Variants in ITGA2 observed in about 807,000 individuals in gnomAD.
ITGA2 encodes the protein integrin alpha-2.
ITGA2 carries 101 observed loss-of-function variants against 146.3 expected under a neutral mutation model. The ratio of observed to expected loss-of-function variants is 0.69; its 90% CI spans 0.59 to 0.81. ITGA2 has a LOEUF of 0.81. Among genes scored for constraint, ITGA2 ranks in the 40% least tolerant of loss-of-function variants. The pLI is 0.00. For synonymous variants in ITGA2, 477 were observed against 487.1 expected (o/e 0.98, Z 0.27); for missense variants, 1,281 against 1,402.7 (o/e 0.91, Z 1.39).
intron 24 of ITGA2, among the ~76,000 whole-genome samples, chr5:53,080,236 C>T (rs745828913): frequency 5.9e-5 from 9 of 152,080 alleles, no homozygotes; most frequent in East Asian, 1.9e-4. Context: ...CCATTATTGG[C>T]GCACTAAGCA....
At chr5:53,000,900 T>TG (rs1561278948) in intron 1 of ITGA2, among the ~76,000 whole-genome samples, 34 of 140,890 alleles carry the variant, frequency 2.4e-4, no homozygotes, top group Admixed American at 1.8e-3. Context: ...TCTTTTTGTT[T>TG]TTTTTTTTTT....
Position 53,090,836 on chromosome 5 carries a change from A to G in ITGA2, c.*237A>G, listed in dbSNP as rs907615852. 2.8e-5 allele frequency: 17 copies of G among 598,638 alleles called. No individual in the cohort carries two copies. Among genetic ancestry groups the G allele is most frequent in the East Asian group, 1.4e-4 (5 of 36,300 alleles). 37.1% of individuals were successfully genotyped at this position (598,638 alleles called of 1,614,324 possible). On this transcript the variant is annotated 3_prime_UTR_variant, in exon 30 of 30. Transcript: ENST00000296585. ...AAATACCTATTTTATATGATGGGGG[A>G]AAAAAAGTAATCTTTAAACTGGCTG... is the stretch of plus-strand genomic sequence containing the variant.
rs1208826554 is a variant in ITGA2, at chr5:53,055,535, C to T, written c.780-3C>T. ...AGTCTTTATTTAATTTTATCTGCCA[C>T]AGAAAATATGCTTATTCAGCAGCTT... is the stretch of plus-strand genomic sequence containing the variant. On this transcript the variant is annotated splice_polypyrimidine_tract_variant and splice_region_variant and intron_variant, in intron 7 of 29. Coordinates refer to ENST00000296585, the MANE Select transcript of ITGA2 (RefSeq NM_002203.4). The T allele has an allele frequency of 6.2e-7, 1 of 1,612,460 alleles. No individual in the cohort carries two copies. Among genetic ancestry groups the T allele is most frequent in the Non-Finnish European group, 8.5e-7 (1 of 1,178,904 alleles).
Position 53,094,710 on chromosome 5 carries a change from TACC to T in ITGA2, c.*4114_*4116del, listed in dbSNP as rs1046475062. On this transcript the variant is annotated 3_prime_UTR_variant, in exon 30 of 30. Coordinates refer to ENST00000296585, the MANE Select transcript of ITGA2 (RefSeq NM_002203.4). ...TCATTATTGTAACCCACTTTTTTCA[TACC>T]ACATTATTGAATATTGTTACAATTG... 7.2e-5 allele frequency: 11 copies of T among 152,234 alleles called. No individual in the cohort carries two copies. The highest frequency in any genetic ancestry group is 2.4e-4 in the African/African-American group (10 of 41,464). The allele number at this position is 152,234 out of a possible 1,614,324, so 9.4% of individuals were successfully genotyped here.
In ITGA2 at chr5:53,062,854, C is replaced by A; in HGVS notation, c.1527C>A (p.Leu509=). 1.2e-6 allele frequency: 2 copies of A among 1,611,240 alleles called. No individual in the cohort carries two copies. The highest frequency in any genetic ancestry group is 1.7e-6 in the Non-Finnish European group (2 of 1,178,448). ...ATAAAGACACCATTACAGACGTGCT[C>A]TTGGTAGGTGCACCAATGTACATGA... is the stretch of plus-strand genomic sequence containing the variant. ...DVDKDTITDV[L]LVGAPMYMSD... The change falls in exon 13 of 30, where the codon CTC becomes CTA. Residue 509 remains leucine, a synonymous_variant. Coordinates refer to ENST00000296585, the MANE Select transcript of ITGA2 (RefSeq NM_002203.4).
intron 27 of ITGA2, among the ~76,000 whole-genome samples, chr5:53,086,661 G>C (rs912929673): frequency 6.6e-6 from 1 of 152,182 alleles, no homozygotes; most frequent in Non-Finnish European, 1.5e-5. Context: ...CTCAAGTTCA[G>C]ATCTCCTCAG....
At chr5:53,077,117 ACATAAT>A (rs3212598) in intron 23 of ITGA2, among the ~76,000 whole-genome samples, 208 of 152,184 alleles carry the variant, frequency 1.4e-3, no homozygotes, top group African/African-American at 4.7e-3. Flanking sequence ...CTTGCATTTT[ACATAAT>A]CTTAGAAAAG....
In ITGA2 at chr5:53,086,935, T is replaced by G. The variant is rs773596554; in HGVS notation, c.3259-17T>G. 1 of 1,596,268 alleles carries G rather than the reference T, an allele frequency of 6.3e-7. No individual in the cohort carries two copies. Among genetic ancestry groups the G allele is most frequent in the South Asian group, 1.1e-5 (1 of 90,710 alleles). On this transcript the variant is annotated splice_polypyrimidine_tract_variant and intron_variant, in intron 27 of 29. Transcript: ENST00000296585. ...CTGCTGCTACGATAAAACATATTCC[T>G]TATTCTTATGTTCCAGTCAACGTTC...
At chr5:53,016,495 C>T (rs562105883) in intron 1 of ITGA2, among the ~76,000 whole-genome samples, 2 of 152,092 alleles carry the variant, frequency 1.3e-5, no homozygotes, top group South Asian at 2.1e-4. Flanking sequence ...TGACCTAGCC[C>T]TTCTTTCTGG....
At chr5:53,073,045 A>C (rs1745471700) in intron 19 of ITGA2, 73 bp from the exon 20 acceptor site, 3 of 1,476,118 alleles carry the variant, frequency 2.0e-6, no homozygotes, top group Non-Finnish European at 2.8e-6. Flanking sequence ...TTTTTTAATG[A>C]GTGAAATTTT....
Position 53,070,280 on chromosome 5 carries a change from C to T in ITGA2, c.2235+20C>T, listed in dbSNP as rs931926690. ...ATACAGGTAAGGCCTCAGGAACATC[C>T]CTTTTGACTTTATTTCTTCCTAAAG... On this transcript the variant is annotated intron_variant, in intron 17 of 29. Transcript: ENST00000296585. 4.3e-6 allele frequency: 7 copies of T among 1,610,498 alleles called. No homozygotes were observed. In the African/African-American group the frequency reaches 9.4e-5, roughly 22 times the overall value.
At position 53,054,789 on chromosome 5, in the gene ITGA2, T is replaced by C. The variant is rs188413799; in HGVS notation, c.780-749T>C. On this transcript the variant is annotated intron_variant, in intron 7 of 29. Transcript: ENST00000296585. ...GGACTCTGGGGACTCAGGGGGGAAA[T>C]GGTGGGAAGCGGGTGAGGGATAAAA... is the stretch of plus-strand genomic sequence containing the variant. Among the ~76,000 whole-genome samples the C allele has an allele frequency of 2.6e-5, 4 of 151,802 alleles. No homozygotes were observed. In the East Asian group the frequency reaches 7.8e-4, roughly 30 times the overall value.
chr5:53,083,188 C>T (rs565700938), intron 26 of ITGA2, 152 bp from the exon 27 acceptor site: 5 of 648,340 alleles, frequency 7.7e-6, no homozygotes, highest in South Asian at 3.6e-5. Flanking sequence ...TGAAGGAGGG[C>T]GGGAGAGTTA....
intron 3 of ITGA2, among the ~76,000 whole-genome samples, chr5:53,042,456 AC>A (rs1469525285): frequency 6.6e-6 from 1 of 152,148 alleles, no homozygotes; most frequent in African/African-American, 2.4e-5. Flanking sequence ...TAGACCATGG[AC>A]TGGTTTCCAT....
At chr5:53,046,617 A>G (rs1744103959) in intron 4 of ITGA2, among the ~76,000 whole-genome samples, 2 of 151,944 alleles carry the variant, frequency 1.3e-5, no homozygotes, top group African/African-American at 2.4e-5. Context: ...CAGATAAAGT[A>G]AAAAATGAAA....
chr5:53,074,575 T>A (rs1376684284), intron 21 of ITGA2, 98 bp downstream of exon 21: 1 of 930,602 alleles, frequency 1.1e-6, no homozygotes, highest in Non-Finnish European at 1.8e-6. Context: ...TTGATAGGCA[T>A]CACAAAATAA....
chr5:53,046,686 CAGAA>C (rs1336738449), intron 4 of ITGA2, among the ~76,000 whole-genome samples: 11 of 150,790 alleles, frequency 7.3e-5, no homozygotes, highest in African/African-American at 2.2e-4. Context: ...AGCAGAGAGG[CAGAA>C]AGAGAGAGAG....
chr5:53,081,712 C>T lies in ITGA2; in HGVS notation c.3144+16C>T, dbSNP rs571956172. On this transcript the variant is annotated intron_variant, in intron 26 of 29. Coordinates refer to ENST00000296585, the MANE Select transcript of ITGA2 (RefSeq NM_002203.4). ...CAAAGAATTGGTGAGGACAAGTTAA[C>T]GTGTGAAAGCTCCCCTCATTCATTT... 8.6e-6 allele frequency: 13 copies of T among 1,505,006 alleles called. No homozygotes were observed. Among genetic ancestry groups the T allele is most frequent in the African/African-American group, 2.7e-5 (2 of 72,770 alleles). The allele number at this position is 1,505,006 out of a possible 1,614,324, so 93.2% of individuals were successfully genotyped here.
intron 1 of ITGA2, among the ~76,000 whole-genome samples, chr5:53,003,215 G>C (rs911284553): frequency 6.6e-6 from 1 of 152,102 alleles, no homozygotes. Flanking sequence ...CTTGAGGCAT[G>C]GCAATCTTCT....
Sources: gnomAD v4.1 joint callset for allele counts (sites outside exome capture counted in the v4.1 genomes callset) on GRCh38, gnomAD v4.1.1 for gene constraint, MANE v1.5 for transcripts, NCBI Gene and HGNC (gene_info 2026-07-23, HGNC 2026-07-21) for gene names.